The following ZNF346 variants were observed in gnomAD, a reference collection of about 807,000 sequenced individuals.
The protein encoded by ZNF346 is double-stranded RNA-binding zinc finger protein JAZ.
A neutral mutation model predicts 33.7 loss-of-function variants in ZNF346; 23 were observed. The ratio of observed to expected loss-of-function variants is 0.68; its 90% confidence interval spans 0.49 to 0.97. The LOEUF is 0.97. Ranked by LOEUF, ZNF346 falls within the 50% of genes least tolerant of loss-of-function variation. ZNF346 has a pLI of 0.00. For missense variants in ZNF346, 340 were observed against 371.1 expected (o/e 0.92, Z 0.69); for synonymous variants, 134 against 142.4 (o/e 0.94, Z 0.42).
At chr5:177,042,150 G>A (rs1779419278) in intron 3 of ZNF346, 1 of 277,862 alleles carries the variant, frequency 3.6e-6, no homozygotes. Context: ...TAATGGAGCT[G>A]GTATTACATA....
chr5:177,065,379 G>T lies in ZNF346; in HGVS notation c.*780G>T. ...GAGGTGCTCTGACCCTAGGTTACAC[G>T]GGAAAGTGCCCCACATGCAAGTCTC... On this transcript the variant is annotated 3_prime_UTR_variant, in exon 7 of 7. Transcript: ENST00000358149. 6.5e-6 allele frequency: 1 copy of T among 152,752 alleles called. No homozygotes were observed. 9.5% of individuals were successfully genotyped at this position (152,752 alleles called of 1,614,324 possible).
intron 5 of ZNF346, among the ~76,000 whole-genome samples, chr5:177,059,081 A>T (rs1242466840): frequency 6.6e-6 from 1 of 152,120 alleles, no homozygotes; most frequent in Non-Finnish European, 1.5e-5. Context: ...GGCTTCGTTC[A>T]AGGCCATTCA....
Position 177,064,676 on chromosome 5 carries a change from C to A in ZNF346, c.*77C>A. The stretch of plus-strand genomic sequence containing the variant: ...GTGACTGCTCAGCCCTTGGCTCCCT[C>A]TTGCTCGTTGTTCTCACCAGGAAAG... On this transcript the variant is annotated 3_prime_UTR_variant, in exon 7 of 7. Transcript: ENST00000358149. 1.7e-6 allele frequency: 2 copies of A among 1,210,054 alleles called. No homozygotes were observed. The highest frequency in any genetic ancestry group is 2.5e-6 in the Non-Finnish European group (2 of 814,246). The allele number at this position is 1,210,054 out of a possible 1,614,324, so 75.0% of individuals were successfully genotyped here. A position where few individuals can be genotyped will look rare whatever the true frequency, so the allele number is the denominator to read the frequency against.
At chr5:177,024,515 G>A (rs141714025) in intron 1 of ZNF346, among the ~76,000 whole-genome samples, 1 of 152,148 alleles carries the variant, frequency 6.6e-6, no homozygotes, top group Non-Finnish European at 1.5e-5. Flanking sequence ...TTTCACACTT[G>A]TTTGGTAGTT....
chr5:177,026,352 ATTTTTTTTTTTT>A (rs59380094), intron 1 of ZNF346, among the ~76,000 whole-genome samples: 1,313 of 101,928 alleles, frequency 0.013, 19 homozygotes, highest in South Asian at 0.034. Flanking sequence ...TGGATTGGTA[ATTTTTTTTTTTT>A]TTTTTTTTTT....
At chr5:177,058,962 T>C (rs1218113603) in intron 5 of ZNF346, among the ~76,000 whole-genome samples, 3 of 152,230 alleles carry the variant, frequency 2.0e-5, no homozygotes, top group Admixed American at 1.3e-4. Flanking sequence ...CTGGAACTCC[T>C]GGCCTCAAGT....
At chr5:177,060,759 G>A (rs1348589226) in intron 5 of ZNF346, among the ~76,000 whole-genome samples, 1 of 152,020 alleles carries the variant, frequency 6.6e-6, no homozygotes, top group Non-Finnish European at 1.5e-5. Flanking sequence ...AGGGAGCAGA[G>A]ATCACGCCAT....
rs933006263 is a variant in ZNF346 at position 177,065,399 on chromosome 5, A to C, written c.*800A>C. 5.2e-5 allele frequency: 8 copies of C among 152,648 alleles called. No individual in the cohort carries two copies. The highest frequency in any genetic ancestry group is 1.9e-4 in the African/African-American group (8 of 41,424). The allele number at this position is 152,648 out of a possible 1,614,324, so 9.5% of individuals were successfully genotyped here. ...TACACGGGAAAGTGCCCCACATGCA[A>C]GTCTCCCTGAGGGTTCTGCCCCTAA... is the stretch of plus-strand genomic sequence containing the variant. On this transcript the variant is annotated 3_prime_UTR_variant, in exon 7 of 7. Coordinates refer to ENST00000358149, the MANE Select transcript of ZNF346 (RefSeq NM_012279.4).
At chr5:177,030,977 A>G (rs1275136574) in intron 1 of ZNF346, among the ~76,000 whole-genome samples, 2 of 147,096 alleles carry the variant, frequency 1.4e-5, no homozygotes, top group African/African-American at 2.5e-5. Flanking sequence ...CTGGAGTGCA[A>G]TGGCATGATC....
chr5:177,058,751 C>T (rs1371023526), intron 5 of ZNF346, among the ~76,000 whole-genome samples: 1 of 152,200 alleles, frequency 6.6e-6, no homozygotes, highest in African/African-American at 2.4e-5. Flanking sequence ...CAGCTCTCAG[C>T]ATACTTGGCA....
chr5:177,071,742 C>A (rs115426154), downstream of ZNF346, among the ~76,000 whole-genome samples: 317 of 152,082 alleles, frequency 2.1e-3, no homozygotes, highest in African/African-American at 6.9e-3. Flanking sequence ...GCAGTCCCTG[C>A]CAGATGAGCT....
chr5:177,023,456 A>G (rs1000240271), intron 1 of ZNF346, among the ~76,000 whole-genome samples: 3 of 152,012 alleles, frequency 2.0e-5, no homozygotes, highest in African/African-American at 7.2e-5. Context: ...CCCTTATTCT[A>G]AGGTGGGGAC....
At chr5:177,074,716 C>G (rs1313026837) in intron 8 of ZNF346, among the ~76,000 whole-genome samples, 1 of 152,138 alleles carries the variant, frequency 6.6e-6, no homozygotes, top group Non-Finnish European at 1.5e-5. Flanking sequence ...CGCTGAGAGC[C>G]AGAAAAATTG....
downstream of ZNF346, among the ~76,000 whole-genome samples, chr5:177,068,185 G>C (rs1436533062): frequency 7.0e-6 from 1 of 143,140 alleles, no homozygotes; most frequent in Non-Finnish European, 1.5e-5. Context: ...AGCCACTCAG[G>C]GCAGGGGCAG....
Position 177,022,881 on chromosome 5 carries a change from T to A in ZNF346, c.143T>A (p.Val48Glu). 6.6e-7 allele frequency: 1 copy of A among 1,512,072 alleles called. No homozygotes were observed. The highest frequency in any genetic ancestry group is 8.9e-7 in the Non-Finnish European group (1 of 1,128,872). The allele number at this position is 1,512,072 out of a possible 1,614,324, so 93.7% of individuals were successfully genotyped here. A position where few individuals can be genotyped will look rare whatever the true frequency, so the allele number is the denominator to read the frequency against. The change falls in exon 1 of 7, where the codon GTG becomes GAG. Residue 48 changes from valine to glutamate, a missense_variant. Transcript: ENST00000358149. ...RERARRLWEAVSGAQPVGREE... is the reference protein window; with the variant it reads ...RERARRLWEAESGAQPVGREE... ...AGGGCGCGCCGCCTGTGGGAAGCCG[T>A]GTCCGGTGCCCAGCCGGTGGGTAGA...
intron 1 of ZNF346, among the ~76,000 whole-genome samples, chr5:177,039,227 T>A (rs1395052418): frequency 6.6e-6 from 1 of 152,102 alleles, no homozygotes; most frequent in African/African-American, 2.4e-5. Flanking sequence ...GGGCCAATTT[T>A]GTTTATAGAG....
At chr5:177,031,257 C>T (rs911727756) in intron 1 of ZNF346, among the ~76,000 whole-genome samples, 6 of 152,244 alleles carry the variant, frequency 3.9e-5, no homozygotes, top group Admixed American at 6.5e-5. Flanking sequence ...TAGTCTCAAA[C>T]TCTCAACCTC....
At chr5:177,031,437 C>T (rs1320826506) in intron 1 of ZNF346, among the ~76,000 whole-genome samples, 1 of 152,154 alleles carries the variant, frequency 6.6e-6, no homozygotes, top group Non-Finnish European at 1.5e-5. Flanking sequence ...TGCCTTCTGG[C>T]CTTAATTGTT....
intron 5 of ZNF346, among the ~76,000 whole-genome samples, chr5:177,054,443 G>A (rs973912077): frequency 1.6e-4 from 25 of 151,734 alleles, no homozygotes; most frequent in African/African-American, 5.6e-4. Flanking sequence ...TTGTTGCCCA[G>A]GCTGGAGTGC....
Sources: gnomAD v4.1 joint callset for allele counts (sites outside exome capture counted in the v4.1 genomes callset) on GRCh38, gnomAD v4.1.1 for gene constraint, MANE v1.5 for transcripts, NCBI Gene and HGNC (gene_info 2026-07-23, HGNC 2026-07-21) for gene names.